The following LOC400499 variants were observed in gnomAD, a reference collection of about 807,000 sequenced individuals.
the LOC400499 span, chr16:11,385,065 C>T: frequency 3.2e-6 from 4 of 1,231,806 alleles, no homozygotes; most frequent in Non-Finnish European, 4.0e-6. Flanking sequence ...AGCCTGTAGG[C>T]CTGTGGGCCA....
At chr16:11,515,912 C>CGT in the LOC400499 span, 1 of 290,478 alleles carries the variant, frequency 3.4e-6, no homozygotes, top group Non-Finnish European at 6.3e-6. Context: ...CCCAGCCCAG[C>CGT]CTAGCCCAGC....
the LOC400499 span, among the ~76,000 whole-genome samples, chr16:11,389,930 G>GT: frequency 6.6e-6 from 1 of 152,174 alleles, no homozygotes; most frequent in African/African-American, 2.4e-5. Context: ...TGCTCACGAG[G>GT]TATCTATGGA....
chr16:11,464,014 C>A, the LOC400499 span, among the ~76,000 whole-genome samples: 1 of 151,874 alleles, frequency 6.6e-6, no homozygotes, highest in East Asian at 1.9e-4. Context: ...TACAGATATG[C>A]ATTTGGATGT....
the LOC400499 span, among the ~76,000 whole-genome samples, chr16:11,481,919 G>A: frequency 6.6e-6 from 1 of 152,138 alleles, no homozygotes; most frequent in Non-Finnish European, 1.5e-5. Flanking sequence ...ACAGACATGA[G>A]CCACCATGCC....
the LOC400499 span, among the ~76,000 whole-genome samples, chr16:11,433,636 G>A: frequency 6.6e-6 from 1 of 152,182 alleles, no homozygotes. Context: ...TCAACAGAAA[G>A]ATCAAGCCAT....
At chr16:11,402,568 C>A in the LOC400499 span, among the ~76,000 whole-genome samples, 34 of 152,332 alleles carry the variant, frequency 2.2e-4, 1 homozygote, top group South Asian at 5.2e-3. Flanking sequence ...TGAGAACAAA[C>A]CCTGCTGGCC....
the LOC400499 span, among the ~76,000 whole-genome samples, chr16:11,405,127 C>G: frequency 4.2e-3 from 647 of 152,324 alleles, 4 homozygotes; most frequent in African/African-American, 0.014. Context: ...CATGGCCAAG[C>G]TGTGTGGCTC....
At chr16:11,496,863 C>T in the LOC400499 span, among the ~76,000 whole-genome samples, 1 of 149,554 alleles carries the variant, frequency 6.7e-6, no homozygotes, top group African/African-American at 2.5e-5. Context: ...TCTCCAGGTA[C>T]GTGAGTCTTG....
At chr16:11,475,718 G>A in the LOC400499 span, 1 of 399,012 alleles carries the variant, frequency 2.5e-6, no homozygotes. Flanking sequence ...GCTGAGAGCT[G>A]GGTGGGGAAA....
chr16:11,395,607 AG>A, the LOC400499 span, among the ~76,000 whole-genome samples: 1 of 152,172 alleles, frequency 6.6e-6, no homozygotes, highest in South Asian at 2.1e-4. Flanking sequence ...CCGGGAAGGG[AG>A]GGAACTCCCC....
chr16:11,381,852 G>A, the LOC400499 span, among the ~76,000 whole-genome samples: 1 of 151,978 alleles, frequency 6.6e-6, no homozygotes, highest in Non-Finnish European at 1.5e-5. Flanking sequence ...TTTTTCTGCA[G>A]TTTAGTTCTG....
At chr16:11,496,699 C>T in the LOC400499 span, among the ~76,000 whole-genome samples, 1 of 151,888 alleles carries the variant, frequency 6.6e-6, no homozygotes, top group African/African-American at 2.4e-5. Context: ...CCCTTGTGTG[C>T]CCACGCACAG....
the LOC400499 span, among the ~76,000 whole-genome samples, chr16:11,417,207 G>A: frequency 6.6e-5 from 10 of 151,986 alleles, no homozygotes; most frequent in South Asian, 4.2e-4. Flanking sequence ...TATTCAAGTC[G>A]GACGGGCCCT....
At chr16:11,521,627 G>C in the LOC400499 span, among the ~76,000 whole-genome samples, 6 of 152,156 alleles carry the variant, frequency 3.9e-5, no homozygotes, top group African/African-American at 9.7e-5. Context: ...TGGACTTGCA[G>C]ACATGGCTCT....
At chr16:11,501,038 G>A in the LOC400499 span, 3 of 398,004 alleles carry the variant, frequency 7.5e-6, no homozygotes, top group African/African-American at 6.2e-5. Flanking sequence ...GTCACCCGGG[G>A]GTAAACTGAG....
At chr16:11,527,501 C>G in the LOC400499 span, among the ~76,000 whole-genome samples, 1 of 152,112 alleles carries the variant, frequency 6.6e-6, no homozygotes, top group African/African-American at 2.4e-5. Flanking sequence ...GAAGGCAAGA[C>G]GGTGTAGTGG....
At chr16:11,493,394 G>A in the LOC400499 span, among the ~76,000 whole-genome samples, 1 of 152,178 alleles carries the variant, frequency 6.6e-6, no homozygotes, top group Non-Finnish European at 1.5e-5. Flanking sequence ...CCCGTAGTCT[G>A]CCAAACCCTG....
chr16:11,436,864 G>T, the LOC400499 span, among the ~76,000 whole-genome samples: 1 of 152,106 alleles, frequency 6.6e-6, no homozygotes, highest in Admixed American at 6.6e-5. Flanking sequence ...AAAGTGCTGG[G>T]ATTACAGGCG....
the LOC400499 span, chr16:11,493,715 G>A: frequency 2.5e-6 from 1 of 396,814 alleles, no homozygotes; most frequent in African/African-American, 2.1e-5. Flanking sequence ...CTGCTTCTCA[G>A]AGATGCACAG....
Sources: gnomAD v4.1 joint callset for allele counts (sites outside exome capture counted in the v4.1 genomes callset) on GRCh38, gnomAD v4.1.1 for gene constraint, MANE v1.5 for transcripts.